Variants in MCC observed in about 807,000 individuals in gnomAD.
MCC encodes colorectal mutant cancer protein.
MCC carries 90 observed loss-of-function variants against 116.2 expected under a neutral mutation model. That is an observed-to-expected ratio of 0.77 (90% CI 0.65 to 0.92). MCC has a LOEUF of 0.92. MCC is among the 40% of genes least tolerant of loss of function. The probability of loss-of-function intolerance (pLI) is 0.00; values close to 1 mark genes in which losing one functional copy is unlikely to be tolerated. For missense variants in MCC, 1,516 were observed against 1,312.2 expected (o/e 1.16, Z -2.40); for synonymous variants, 578 against 510.5 (o/e 1.13, Z -1.78).
chr5:113,310,295 G>A (rs1767106404), intron 3 of MCC, among the ~76,000 whole-genome samples: 1 of 152,204 alleles, frequency 6.6e-6, no homozygotes. Flanking sequence ...ACCATATGAG[G>A]ATACAGTGTT....
At chr5:113,089,998 G>C (rs555050887) in intron 8 of MCC, among the ~76,000 whole-genome samples, 38 of 152,298 alleles carry the variant, frequency 2.5e-4, no homozygotes, top group Non-Finnish European at 3.4e-4. Flanking sequence ...ATGTAAGAGA[G>C]GGCTTATCAG....
intron 8 of MCC, among the ~76,000 whole-genome samples, chr5:113,099,563 G>T (rs1756266729): frequency 6.6e-6 from 1 of 152,170 alleles, no homozygotes; most frequent in Non-Finnish European, 1.5e-5. Flanking sequence ...TTTTGCTTTG[G>T]GTGCTATTAT....
At chr5:113,082,348 C>A (rs1754919338) in intron 11 of MCC, among the ~76,000 whole-genome samples, 1 of 152,220 alleles carries the variant, frequency 6.6e-6, no homozygotes, top group Admixed American at 6.5e-5. Flanking sequence ...TGGTCGATGC[C>A]AGGAATGGCT....
At chr5:113,052,578 A>G (rs1044248346) in intron 15 of MCC, among the ~76,000 whole-genome samples, 3 of 152,260 alleles carry the variant, frequency 2.0e-5, no homozygotes, top group Non-Finnish European at 4.4e-5. Flanking sequence ...GTGCTGAGTG[A>G]GTCACCCCTG....
chr5:113,462,439 C>G (rs1771768195), intron 1 of MCC, among the ~76,000 whole-genome samples: 3 of 152,096 alleles, frequency 2.0e-5, no homozygotes, highest in African/African-American at 7.3e-5. Context: ...GGATTTCATT[C>G]CAGTCGAAAC....
chr5:113,077,250 G>C (rs757812449), intron 11 of MCC, among the ~76,000 whole-genome samples: 28 of 152,130 alleles, frequency 1.8e-4, no homozygotes, highest in South Asian at 4.1e-4. Context: ...AGATCAATGA[G>C]ACAGAAAGTT....
At chr5:113,433,768 G>C in intron 1 of MCC, 1 of 1,613,834 alleles carries the variant, frequency 6.2e-7, no homozygotes, top group East Asian at 2.2e-5. Flanking sequence ...GGCTGTTGGG[G>C]GGGCCCTTCC....
intron 3 of MCC, among the ~76,000 whole-genome samples, chr5:113,176,688 A>G (rs1761351688): frequency 6.6e-6 from 1 of 152,198 alleles, no homozygotes; most frequent in East Asian, 1.9e-4. Context: ...CACCCAGTTC[A>G]ATTAAATGAA....
In MCC at chr5:113,434,361, C is replaced by T. The variant is rs567096428; in HGVS notation, c.171-49149G>A. ...TCGACCACTGTCATCCCGCAGGCAG[C>T]GCTTGGAGAAGCTGAAGTCGGACAG... On this transcript the variant is annotated intron_variant, in intron 1 of 18. Coordinates refer to ENST00000408903, the MANE Select transcript of MCC (RefSeq NM_001085377.2). The surrounding 1 kb of genome is among the most constrained non-coding windows in gnomAD (Gnocchi z 4.2). 1.5e-5 allele frequency: 24 copies of T among 1,613,716 alleles called. No homozygotes were observed. Among genetic ancestry groups the T allele is most frequent in the Admixed American group, 6.7e-5 (4 of 59,996 alleles).
chr5:113,072,441 G>A (rs548017676), intron 11 of MCC, among the ~76,000 whole-genome samples: 2 of 152,254 alleles, frequency 1.3e-5, no homozygotes, highest in Admixed American at 1.3e-4. Context: ...ACTTGCTCCA[G>A]TCTACAGTCT....
intron 13 of MCC, among the ~76,000 whole-genome samples, chr5:113,065,558 G>C (rs1165220533): frequency 1.3e-5 from 2 of 152,122 alleles, no homozygotes; most frequent in Admixed American, 1.3e-4. Flanking sequence ...GCAGAAGTGG[G>C]AGACACACTC....
chr5:113,172,501 G>A (rs895406134), intron 3 of MCC, among the ~76,000 whole-genome samples: 4 of 151,720 alleles, frequency 2.6e-5, no homozygotes, highest in South Asian at 2.1e-4. Flanking sequence ...AAGTAACCTC[G>A]TTTGACTAAA....
intron 3 of MCC, among the ~76,000 whole-genome samples, chr5:113,326,466 T>C (rs1767556355): frequency 6.6e-6 from 1 of 152,196 alleles, no homozygotes; most frequent in African/African-American, 2.4e-5. Context: ...CCAAATGCTG[T>C]GTCTTCATAT....
chr5:113,207,247 C>T (rs763666887), intron 3 of MCC, among the ~76,000 whole-genome samples: 1 of 152,056 alleles, frequency 6.6e-6, no homozygotes, highest in Admixed American at 6.6e-5. Flanking sequence ...ATCATTCTGC[C>T]CCTTTAAACC....
intron 3 of MCC, among the ~76,000 whole-genome samples, chr5:113,194,838 G>C (rs1185065745): frequency 2.0e-5 from 3 of 152,214 alleles, no homozygotes; most frequent in Non-Finnish European, 4.4e-5. Context: ...TTGTGAAAAT[G>C]AATCTAGATG....
chr5:113,264,638 A>G (rs1027157531), intron 3 of MCC, among the ~76,000 whole-genome samples: 6 of 152,208 alleles, frequency 3.9e-5, no homozygotes, highest in Admixed American at 3.3e-4. Context: ...GTTTTTGTAG[A>G]GCCTACAAGG....
intron 1 of MCC, among the ~76,000 whole-genome samples, chr5:113,448,590 G>C (rs1054560744): frequency 6.6e-6 from 1 of 152,018 alleles, no homozygotes; most frequent in East Asian, 1.9e-4. Context: ...TCATTTTTCA[G>C]ATTTGATGCA....
intron 7 of MCC, among the ~76,000 whole-genome samples, chr5:113,102,859 G>A (rs1418171145): frequency 6.6e-6 from 1 of 151,906 alleles, no homozygotes; most frequent in Non-Finnish European, 1.5e-5. Flanking sequence ...GCTCACGCCT[G>A]TAATCCCAGC....
At chr5:113,401,765 TTATTTA>T (rs1276754849) in intron 1 of MCC, among the ~76,000 whole-genome samples, 4 of 122,562 alleles carry the variant, frequency 3.3e-5, no homozygotes, top group Admixed American at 1.5e-4. Flanking sequence ...CCAGGTTTTC[TTATTTA>T]TATATATATA....
Sources: gnomAD v4.1 joint callset for allele counts (sites outside exome capture counted in the v4.1 genomes callset) on GRCh38, gnomAD v4.1.1 for gene constraint, Gnocchi (gnomAD v3.1) non-coding constraint, MANE v1.5 for transcripts, NCBI Gene and HGNC (gene_info 2026-07-23, HGNC 2026-07-21) for gene names.